DMD: variants seen among roughly 807,000 people sequenced by gnomAD.
DMD encodes mutant dystrophin.
A neutral mutation model predicts 330.1 loss-of-function variants in DMD; 63 were observed. The ratio of observed to expected loss-of-function variants is 0.19; its 90% CI spans 0.16 to 0.24. The LOEUF is 0.24. Among genes scored for constraint, DMD ranks in the 10% least tolerant of loss-of-function variants. The pLI is 1.00. For missense variants in DMD, 3,344 were observed against 2,684.1 expected (o/e 1.25, Z -5.43); for synonymous variants, 1,223 against 959.8 (o/e 1.27, Z -5.07).
intron 28 of DMD, among the ~76,000 whole-genome samples, chrX:32,438,691 T>C (rs1169395251): frequency 1.8e-5 from 2 of 111,790 alleles, no homozygotes; most frequent in African/African-American, 6.5e-5. Context: ...AACACTAAAT[T>C]TCTCAACTTC....
intron 43 of DMD, among the ~76,000 whole-genome samples, chrX:32,262,335 G>T (rs185615696): frequency 8.1e-5 from 9 of 111,391 alleles, no homozygotes; most frequent in African/African-American, 2.9e-4. Context: ...AGCATCAGTG[G>T]TAACCTGGGA....
intron 12 of DMD, among the ~76,000 whole-genome samples, chrX:32,602,041 G>C (rs1350604550): frequency 1.8e-5 from 2 of 111,929 alleles, no homozygotes; most frequent in African/African-American, 3.2e-5. Context: ...AAGAGAATGT[G>C]ATTTTTGAAA....
At chrX:33,162,794 A>C (rs781488564) in intron 1 of DMD, among the ~76,000 whole-genome samples, 1 of 110,576 alleles carries the variant, frequency 9.0e-6, no homozygotes, top group East Asian at 2.8e-4. Flanking sequence ...TTCCTCACTT[A>C]AGATTCTGTA....
chrX:31,812,204 A>G (rs1207054938), intron 50 of DMD, among the ~76,000 whole-genome samples: 1 of 110,241 alleles, frequency 9.1e-6, no homozygotes, highest in Non-Finnish European at 1.9e-5. Context: ...TTCAAATTAA[A>G]ATGTATAAAT....
intron 1 of DMD, among the ~76,000 whole-genome samples, chrX:33,103,096 G>A (rs2095254676): frequency 9.0e-6 from 1 of 111,571 alleles, no homozygotes; most frequent in Admixed American, 9.6e-5. Context: ...GGTGATTAAG[G>A]TATCTGTTAC....
chrX:32,602,668 G>T lies in DMD; in HGVS notation c.1483-6792C>A, dbSNP rs181500307. ...GATGAATTATTTCATTAAGCATTTT[G>T]ATTCTGAGTATTTAATGTGTAGCTA... On this transcript the variant is annotated intron_variant, in intron 12 of 78. Coordinates refer to ENST00000357033, the MANE Select transcript of DMD (RefSeq NM_004006.3). 2.1e-3 allele frequency among the ~76,000 whole-genome samples: 229 copies of T among 111,406 alleles called. 1 individual carries two copies. The highest frequency in any genetic ancestry group is 3.0e-3 in the Non-Finnish European group (158 of 52,816).
chrX:32,562,789 C>G (rs1402885637), intron 16 of DMD, among the ~76,000 whole-genome samples: 1 of 111,576 alleles, frequency 9.0e-6, no homozygotes, highest in Non-Finnish European at 1.9e-5. Context: ...TCGCTGTTGT[C>G]TCTGTTTACC....
At position 31,545,760 on chromosome X, in the gene DMD, C is replaced by G. The variant is rs2074108115; in HGVS notation, c.8218-38307G>C. 2.7e-5 allele frequency among the ~76,000 whole-genome samples: 3 copies of G among 111,337 alleles called. No homozygotes were observed. The Admixed American group carries it at 2.9e-4, about 11-fold the overall frequency. ...AAATCAATGAACTCCTTAAACCTGC[C>G]CCCAAATGTATCAGGAGCTGGACCC... On this transcript the variant is annotated intron_variant, in intron 55 of 78. Transcript: ENST00000357033.
intron 44 of DMD, among the ~76,000 whole-genome samples, chrX:32,092,777 T>G (rs2096484581): frequency 1.0e-5 from 1 of 99,181 alleles, no homozygotes. Context: ...CAGGACTGGC[T>G]TTGGAGTTAT....
At chrX:31,752,123 C>T (rs771786392) in intron 51 of DMD, among the ~76,000 whole-genome samples, 21 of 111,796 alleles carry the variant, frequency 1.9e-4, no homozygotes, top group Non-Finnish European at 2.8e-4. Flanking sequence ...CTGGGGTAAC[C>T]CAGGCTATCT....
intron 55 of DMD, among the ~76,000 whole-genome samples, chrX:31,588,123 G>A (rs977587659): frequency 9.0e-6 from 1 of 111,598 alleles, no homozygotes; most frequent in Non-Finnish European, 1.9e-5. Flanking sequence ...CCTATATCAT[G>A]CCCAGCGTTT....
intron 60 of DMD, among the ~76,000 whole-genome samples, chrX:31,431,205 T>C (rs2064047435): frequency 9.0e-6 from 1 of 111,152 alleles, no homozygotes; most frequent in African/African-American, 3.3e-5. Flanking sequence ...GTTCAGTCGA[T>C]ATTTATGGAT....
In DMD at chrX:31,120,209, AG is replaced by A. The variant is rs1356479323; in HGVS notation, c.*1709del. ...GAAATAAAATGGCATGAAAGAGTAA[AG>A]CTTTTTCCTACCAGTCCTTAGCTTT... On this transcript the variant is annotated 3_prime_UTR_variant, in exon 79 of 79. Coordinates refer to ENST00000357033, the MANE Select transcript of DMD (RefSeq NM_004006.3). The A allele has an allele frequency of 8.9e-6, 1 of 112,120 alleles. No individual in the cohort carries two copies. Among genetic ancestry groups the A allele is most frequent in the African/African-American group, 3.2e-5 (1 of 30,886 alleles). 9.2% of individuals were successfully genotyped at this position (112,120 alleles called of 1,213,427 possible). A position where few individuals can be genotyped will look rare whatever the true frequency, so the allele number is the denominator to read the frequency against.
chrX:32,826,504 A>C (rs932609875), intron 4 of DMD, among the ~76,000 whole-genome samples: 1 of 111,861 alleles, frequency 8.9e-6, no homozygotes, highest in Non-Finnish European at 1.9e-5. Context: ...ACACACTGGA[A>C]TACTACTCGG....
rs145169206 is a variant in DMD at position 32,193,675 on chromosome X, A to G, written c.6438+23241T>C. 6.2e-3 allele frequency among the ~76,000 whole-genome samples: 691 copies of G among 111,842 alleles called. 4 individuals carry two copies. The highest frequency in any genetic ancestry group is 0.021 in the African/African-American group (650 of 30,772). ...GCCTACTGCGTGGTGTTCAATCACA[A>G]TAGGCCCTTCGATTAATATTTATTC... On this transcript the variant is annotated intron_variant, in intron 44 of 78. Coordinates refer to ENST00000357033, the MANE Select transcript of DMD (RefSeq NM_004006.3).
chrX:32,349,875 T>G (rs1037214239), intron 37 of DMD, among the ~76,000 whole-genome samples: 40 of 111,586 alleles, frequency 3.6e-4, no homozygotes, highest in African/African-American at 1.1e-3. Flanking sequence ...AGATTGGTAG[T>G]GGTACAAACA....
intron 52 of DMD, among the ~76,000 whole-genome samples, chrX:31,711,300 T>C (rs1476427904): frequency 9.0e-6 from 1 of 111,255 alleles, no homozygotes; most frequent in Non-Finnish European, 1.9e-5. Flanking sequence ...TTTTCTCTTT[T>C]ATGTACCCCC....
intron 41 of DMD, among the ~76,000 whole-genome samples, chrX:32,315,979 C>A (rs566534728): frequency 1.8e-5 from 2 of 111,396 alleles, no homozygotes; most frequent in African/African-American, 6.5e-5. Context: ...TCATTTTTTA[C>A]AAACTTTTAA....
chrX:31,530,768 G>T (rs2073721605), intron 55 of DMD, among the ~76,000 whole-genome samples: 1 of 60,919 alleles, frequency 1.6e-5, no homozygotes, highest in Non-Finnish European at 2.9e-5. Context: ...CTGGTGCGCT[G>T]CACCCACTAA....
Sources: gnomAD v4.1 joint callset for allele counts (sites outside exome capture counted in the v4.1 genomes callset) on GRCh38, gnomAD v4.1.1 for gene constraint, MANE v1.5 for transcripts, NCBI Gene and HGNC (gene_info 2026-07-23, HGNC 2026-07-21) for gene names.